Variants in EXOSC3 observed in about 807,000 individuals in gnomAD.
EXOSC3 encodes the protein exosome component 3, also known as exosome complex component RRP40.
Under a neutral mutation model 25.1 loss-of-function variants are expected in EXOSC3, and 18 were observed. The observed-to-expected ratio is 0.72, with a 90% CI of 0.50 to 1.06. The LOEUF (loss-of-function observed/expected upper bound fraction) is 1.06, where lower values mean the gene tolerates loss of function less well. Among genes scored for constraint, EXOSC3 ranks in the 50% least tolerant of loss-of-function variants. The probability of loss-of-function intolerance (pLI) is 0.00; values close to 1 mark genes in which losing one functional copy is unlikely to be tolerated. For synonymous variants in EXOSC3, 165 were observed against 132.2 expected (o/e 1.25, Z -1.70); for missense variants, 382 against 350.9 (o/e 1.09, Z -0.71).
At position 37,784,011 on chromosome 9, in the gene EXOSC3, C is replaced by A. The variant is rs1354190393; in HGVS notation, c.377G>T (p.Gly126Val). Residue 126 changes from glycine to valine, a missense_variant, in exon 2 of 4, where the codon GGA (glycine) becomes GTA (valine). Physicochemically the swap from Gly to Val is moderately radical, Grantham distance 109. Coordinates refer to ENST00000327304, the MANE Select transcript of EXOSC3 (RefSeq NM_016042.4). Reference protein sequence around the residue: ...HVIGIVTAKSGDIFKVDVGGS... With the variant: ...HVIGIVTAKSVDIFKVDVGGS... Reference sequence around the variant, plus strand: ...TCCAACATCAACTTTGAATATATCTCCAGATTTAGCTGTCACTATGCCAAT... The same window carrying A: ...TCCAACATCAACTTTGAATATATCTACAGATTTAGCTGTCACTATGCCAAT... 6.2e-7 allele frequency: 1 copy of A among 1,613,980 alleles called. No homozygotes were observed.
intron 2 of EXOSC3, among the ~76,000 whole-genome samples, chr9:37,783,624 A>G (rs994234941): frequency 6.6e-6 from 1 of 152,216 alleles, no homozygotes; most frequent in Non-Finnish European, 1.5e-5. Context: ...GGATATGGAC[A>G]TAACAAATAA....
In EXOSC3 at chr9:37,780,506, G is replaced by A; in HGVS notation, c.*173C>T. ...CGAACAAAAAAAATGATTTTGCAAT[G>A]ATTTTCTCTCCCACAAAAGCGTGGG... On this transcript the variant is annotated 3_prime_UTR_variant, in exon 4 of 4. Coordinates refer to ENST00000327304, the MANE Select transcript of EXOSC3 (RefSeq NM_016042.4). 1 of 597,528 alleles carries A rather than the reference G, an allele frequency of 1.7e-6. No homozygotes were observed. The highest frequency in any genetic ancestry group is 2.2e-5 in the South Asian group (1 of 46,154). The allele number at this position is 597,528 out of a possible 1,614,324, so 37.0% of individuals were successfully genotyped here.
rs1828565579 is a variant in EXOSC3, at chr9:37,780,633, C to A, written c.*46G>T. ...AATGGGGGAGGTTCACCTGAAAAAA[C>A]CCATAGTTTTTTGCCTCAACTGACC... is the stretch of plus-strand genomic sequence containing the variant. On this transcript the variant is annotated 3_prime_UTR_variant, in exon 4 of 4. Coordinates refer to ENST00000327304, the MANE Select transcript of EXOSC3 (RefSeq NM_016042.4). 2 of 1,520,058 alleles carry A rather than the reference C, an allele frequency of 1.3e-6. No homozygotes were observed. The highest frequency in any genetic ancestry group is 9.1e-7 in the Non-Finnish European group (1 of 1,100,642). 94.2% of individuals were successfully genotyped at this position (1,520,058 alleles called of 1,614,324 possible). A position where few individuals can be genotyped will look rare whatever the true frequency, so the allele number is the denominator to read the frequency against.
intron 3 of EXOSC3, 130 bp from the exon 4 acceptor site, chr9:37,781,010 C>G: frequency 1.4e-6 from 1 of 714,958 alleles, no homozygotes; most frequent in Non-Finnish European, 2.3e-6. Flanking sequence ...CACGTGATGA[C>G]ATTTGCTGCC....
At chr9:37,781,783 C>T (rs1828602133) in intron 3 of EXOSC3, 1 of 586,900 alleles carries the variant, frequency 1.7e-6, no homozygotes. Context: ...AGAAACTACA[C>T]AGCCAAACAC....
intron 1 of EXOSC3, 188 bp from the exon 2 acceptor site, chr9:37,784,251 T>C (rs1236849805): frequency 1.7e-6 from 1 of 587,500 alleles, no homozygotes; most frequent in East Asian, 3.0e-5. Flanking sequence ...GTTAATTGAG[T>C]CCAAACTCCA....
chr9:37,781,737 A>C, intron 3 of EXOSC3: 1 of 436,792 alleles, frequency 2.3e-6, no homozygotes, highest in Non-Finnish European at 4.1e-6. Context: ...ATATGAATAC[A>C]GAGTAAGAGC....
intron 3 of EXOSC3, among the ~76,000 whole-genome samples, chr9:37,781,376 T>C (rs1013658531): frequency 1.3e-5 from 2 of 149,530 alleles, no homozygotes; most frequent in African/African-American, 5.0e-5. Context: ...ATCTTTAGGA[T>C]ATGTAGTAAG....
intron 1 of EXOSC3, 141 bp downstream of exon 1, chr9:37,784,580 G>C (rs1294994618): frequency 1.1e-6 from 1 of 921,918 alleles, no homozygotes. Flanking sequence ...AGGACATGCA[G>C]AAGTGGGCAC....
Position 37,780,871 on chromosome 9 carries a change from A to G in EXOSC3, c.636T>C (p.Ala212=). The G allele has an allele frequency of 6.2e-7, 1 of 1,613,016 alleles. No individual in the cohort carries two copies. Among genetic ancestry groups the G allele is most frequent in the Non-Finnish European group, 8.5e-7 (1 of 1,179,612 alleles). ...VTLGLIRKLL[A]PDCEIIQEVG... ...CTTCCTGTATGATTTCACAATCTGG[A>G]GCTAATAGCCTGGTGGGAAGAGAAA... is the stretch of plus-strand genomic sequence containing the variant. Residue 212 remains alanine (A), a synonymous_variant, in exon 4 of 4, where the codon GCT becomes GCC. Transcript: ENST00000327304.
In EXOSC3 at chr9:37,785,038, C is replaced by T. The variant is rs565950496; in HGVS notation, c.7G>A (p.Glu3Lys). The T allele has an allele frequency of 5.6e-6, 9 of 1,595,120 alleles. No homozygotes were observed. The highest frequency in any genetic ancestry group is 3.4e-5 in the Admixed American group (2 of 59,504). ...GATTCAGCCGCGACAGACGCAGGTT[C>T]GGCCATCGCGGGCTCCACCAAACAC... MA[E>K]PASVAAESLA... Residue 3 changes from glutamate to lysine, a missense_variant, in exon 1 of 4, where the codon GAA becomes AAA. Glu to Lys is a moderately conservative substitution (Grantham distance 56, BLOSUM62 1). Transcript: ENST00000327304.
rs147746819 is a variant in EXOSC3, at chr9:37,781,944, T to G, written c.626+42A>C. 1,066 of 1,576,190 alleles carry G rather than the reference T, an allele frequency of 6.8e-4. 1 individual carries two copies. In the African/African-American group the frequency reaches 9.8e-3, roughly 14 times the overall value. On this transcript the variant is annotated intron_variant, in intron 3 of 3. Coordinates refer to ENST00000327304, the MANE Select transcript of EXOSC3 (RefSeq NM_016042.4). ...GATTAACCAACTTTCCAAGAATGTATAATTATAAAAAGCAGTCAAGCCAGC... is the reference window on the plus strand; with the variant it reads ...GATTAACCAACTTTCCAAGAATGTAGAATTATAAAAAGCAGTCAAGCCAGC...
intron 2 of EXOSC3, among the ~76,000 whole-genome samples, chr9:37,782,711 C>T (rs13294227): frequency 0.011 from 1,700 of 152,260 alleles, 15 homozygotes; most frequent in Middle Eastern, 0.027. Context: ...TTCAAAGGGA[C>T]GAAACTGAGG....
In EXOSC3 at chr9:37,780,800, C is replaced by A; in HGVS notation, c.707G>T (p.Arg236Ile). 1 of 1,613,948 alleles carries A rather than the reference C, an allele frequency of 6.2e-7. No homozygotes were observed. The highest frequency in any genetic ancestry group is 8.5e-7 in the Non-Finnish European group (1 of 1,179,930). The part of the protein sequence containing the change: ...PLEIVFGMNG[R>I]IWVKAKTIQQ... Reference sequence around the variant, plus strand: ...GATGGTTTTTGCCTTAACCCATATTCTTCCATTCATTCCAAATACTATCTC... The same window carrying A: ...GATGGTTTTTGCCTTAACCCATATTATTCCATTCATTCCAAATACTATCTC... The change falls in exon 4 of 4, where the codon AGA (arginine) becomes ATA (isoleucine). Residue 236 changes from arginine (R) to isoleucine (I), a missense_variant. Coordinates refer to ENST00000327304, the MANE Select transcript of EXOSC3 (RefSeq NM_016042.4).
At chr9:37,784,210 A>AATG (rs2118980628) in intron 1 of EXOSC3, 147 bp from the exon 2 acceptor site, 1 of 877,004 alleles carries the variant, frequency 1.1e-6, no homozygotes, top group African/African-American at 1.7e-5. Context: ...ATCACTTCAT[A>AATG]AAGTGCCGGG....
At position 37,784,841 on chromosome 9, in the gene EXOSC3, A is replaced by G; in HGVS notation, c.204T>C (p.Gly68=). The change falls in exon 1 of 4, where the codon GGT becomes GGC. Residue 68 remains glycine, a synonymous_variant. Coordinates refer to ENST00000327304, the MANE Select transcript of EXOSC3 (RefSeq NM_016042.4). Reference sequence around the variant, plus strand: ...GGTCCCCACAGCGCCGAAGGCCCGGACCGCATACAACGCGCACCCGCGAGC... The same window carrying G: ...GGTCCCCACAGCGCCGAAGGCCCGGGCCGCATACAACGCGCACCCGCGAGC... ...RACSRVRVVC[G]PGLRRCGDRL... is the part of the protein sequence containing the mutation. The G allele has an allele frequency of 5.6e-6, 9 of 1,608,400 alleles. No homozygotes were observed. The highest frequency in any genetic ancestry group is 7.6e-6 in the Non-Finnish European group (9 of 1,177,692).
At chr9:37,784,119 G>A (rs1828653013) in intron 1 of EXOSC3, 56 bp from the exon 2 acceptor site, 13 of 1,550,658 alleles carry the variant, frequency 8.4e-6, no homozygotes, top group Non-Finnish European at 1.1e-5. Flanking sequence ...ACCATTGGAA[G>A]ATACCTTCAG....
chr9:37,781,678 G>C (rs72724155), intron 3 of EXOSC3: 93 of 268,982 alleles, frequency 3.5e-4, no homozygotes, highest in Non-Finnish European at 4.8e-4. Flanking sequence ...GGAAAGGCCA[G>C]TTTTCACATT....
Position 37,779,714 on chromosome 9 carries a change from T to C in EXOSC3, c.*965A>G, listed in dbSNP as rs1736505897. ...AAACATTAGAAACACACGAAGCTCC[T>C]TGGTCTTTATCAACAAATAGAGTTC... On this transcript the variant is annotated 3_prime_UTR_variant, in exon 4 of 4. Transcript: ENST00000327304. 6.6e-6 allele frequency: 1 copy of C among 152,220 alleles called. No individual in the cohort carries two copies. Among genetic ancestry groups the C allele is most frequent in the African/African-American group, 2.4e-5 (1 of 41,452 alleles). 9.4% of individuals were successfully genotyped at this position (152,220 alleles called of 1,614,324 possible). A position where few individuals can be genotyped will look rare whatever the true frequency, so the allele number is the denominator to read the frequency against.
Sources: allele counts gnomAD v4.1 joint callset (sites outside exome capture counted in the v4.1 genomes callset), GRCh38; gene constraint gnomAD v4.1.1; transcripts MANE v1.5; gene names NCBI Gene and HGNC (gene_info 2026-07-23, HGNC 2026-07-21).